THEMIS: variants seen among roughly 807,000 people sequenced by gnomAD.
THEMIS encodes protein THEMIS.
In THEMIS, 37 loss-of-function variants were observed where a neutral mutation model predicts 52.6. That is an observed-to-expected ratio of 0.70 (90% CI 0.54 to 0.93). The LOEUF (loss-of-function observed/expected upper bound fraction) is 0.93, where lower values mean the gene tolerates loss of function less well. Among genes scored for constraint, THEMIS ranks in the 40% least tolerant of loss-of-function variants. THEMIS has a pLI of 0.00. For missense variants in THEMIS, 808 were observed against 763.1 expected (o/e 1.06, Z -0.69); for synonymous variants, 292 against 272.7 (o/e 1.07, Z -0.70).
chr6:127,698,891 T>A, the THEMIS span, among the ~76,000 whole-genome samples: 3 of 152,048 alleles, frequency 2.0e-5, no homozygotes, highest in South Asian at 2.1e-4. Context: ...GTTGCTATAC[T>A]GTTGTTAATT....
At chr6:127,856,827 C>G (rs575320478) in intron 1 of THEMIS, among the ~76,000 whole-genome samples, 10 of 151,936 alleles carry the variant, frequency 6.6e-5, no homozygotes, top group African/African-American at 2.4e-4. Flanking sequence ...ACTAATAAAT[C>G]CACAGTGACA....
intron 1 of THEMIS, among the ~76,000 whole-genome samples, chr6:127,908,418 A>C (rs1025185337): frequency 2.0e-5 from 3 of 152,128 alleles, no homozygotes; most frequent in Non-Finnish European, 4.4e-5. Flanking sequence ...AGTCAAGTAG[A>C]TGAGCCTGCT....
chr6:127,833,675 G>A (rs1019871596), intron 2 of THEMIS, among the ~76,000 whole-genome samples: 1 of 152,088 alleles, frequency 6.6e-6, no homozygotes, highest in Non-Finnish European at 1.5e-5. Flanking sequence ...ATAATCTCTG[G>A]TCCTACTTTG....
At chr6:127,702,182 G>A in the THEMIS span, among the ~76,000 whole-genome samples, 1 of 151,910 alleles carries the variant, frequency 6.6e-6, no homozygotes, top group Non-Finnish European at 1.5e-5. Context: ...GTTCTCACTG[G>A]AGAGCTTTTT....
rs1779120312 is a variant in THEMIS, at chr6:127,843,544, G to C, written c.250+11486C>G. Among the ~76,000 whole-genome samples the C allele has an allele frequency of 2.0e-5, 3 of 152,012 alleles. No individual in the cohort carries two copies. In the South Asian group the frequency reaches 6.2e-4, roughly 32 times the overall value. ...AAGTTGTTGAAAGTATAATATCCTA[G>C]ATACACATTTTAAATAAAACATATT... On this transcript the variant is annotated intron_variant, in intron 2 of 5. Transcript: ENST00000368248.
At chr6:127,918,096 T>C (rs981102826) in intron 1 of THEMIS, among the ~76,000 whole-genome samples, 1 of 152,186 alleles carries the variant, frequency 6.6e-6, no homozygotes, top group Non-Finnish European at 1.5e-5. Context: ...TTTAGCTATA[T>C]TCTTGGATAG....
intron 4 of THEMIS, among the ~76,000 whole-genome samples, chr6:127,727,343 A>T (rs1774585704): frequency 6.6e-6 from 1 of 152,198 alleles, no homozygotes; most frequent in African/African-American, 2.4e-5. Context: ...CAGAAATTAC[A>T]GTGGAATCAA....
intron 4 of THEMIS, among the ~76,000 whole-genome samples, chr6:127,765,703 C>G (rs115451960): frequency 1.3e-5 from 2 of 151,878 alleles, no homozygotes; most frequent in African/African-American, 4.8e-5. Flanking sequence ...CAATACTTAC[C>G]ACTGTGTTAC....
chr6:127,758,522 A>G (rs1238631989), intron 4 of THEMIS, among the ~76,000 whole-genome samples: 1 of 150,300 alleles, frequency 6.7e-6, no homozygotes, highest in Non-Finnish European at 1.5e-5. Context: ...TATTTCTTGA[A>G]TGAAATATGT....
In THEMIS at chr6:127,709,499, C is replaced by A. The variant is rs1296127076; in HGVS notation, c.*486G>T. 4 of 152,204 alleles carry A rather than the reference C, an allele frequency of 2.6e-5. No individual in the cohort carries two copies. Among genetic ancestry groups the A allele is most frequent in the Non-Finnish European group, 5.9e-5 (4 of 68,198 alleles). 9.4% of individuals were successfully genotyped at this position (152,204 alleles called of 1,614,324 possible). On this transcript the variant is annotated 3_prime_UTR_variant, in exon 6 of 6. Coordinates refer to ENST00000368248, the MANE Select transcript of THEMIS (RefSeq NM_001010923.3). ...AGTTCCAAGGGATTTGGATAAGAAA[C>A]CTGAACATTTTAAATCAGTCAGATA...
intron 4 of THEMIS, among the ~76,000 whole-genome samples, chr6:127,745,806 T>C (rs1383960850): frequency 2.0e-5 from 3 of 151,902 alleles, no homozygotes. Flanking sequence ...ATCTGGTTAC[T>C]CTACAGAATA....
intron 4 of THEMIS, among the ~76,000 whole-genome samples, chr6:127,808,898 C>T (rs1454979514): frequency 6.6e-6 from 1 of 152,158 alleles, no homozygotes; most frequent in Non-Finnish European, 1.5e-5. Context: ...TTTAGATGAG[C>T]TTGTAGTGTT....
chr6:127,803,872 T>C lies in THEMIS; in HGVS notation c.1758+9011A>G, dbSNP rs1032650089. On this transcript the variant is annotated intron_variant, in intron 4 of 5. Transcript: ENST00000368248. The stretch of plus-strand genomic sequence containing the variant: ...CTCTTCCAGAGGTATAGTTGAAAAC[T>C]GTAACTGCTACAGAACAGACATAGT... Among the ~76,000 whole-genome samples, 7 of 152,192 alleles carry C rather than the reference T, an allele frequency of 4.6e-5. No homozygotes were observed. The East Asian group carries it at 1.2e-3, about 25-fold the overall frequency.
At chr6:127,776,584 TG>T (rs1776573356) in intron 4 of THEMIS, among the ~76,000 whole-genome samples, 1 of 152,254 alleles carries the variant, frequency 6.6e-6, no homozygotes, top group African/African-American at 2.4e-5. Context: ...ACACATTGAC[TG>T]AGGTAGCATC....
chr6:127,892,620 A>T (rs908077639), intron 1 of THEMIS, among the ~76,000 whole-genome samples: 21 of 152,152 alleles, frequency 1.4e-4, no homozygotes, highest in African/African-American at 1.7e-4. Context: ...TCTATAAAAC[A>T]TGCTTCTATG....
chr6:127,863,515 T>G (rs796303628), intron 1 of THEMIS, among the ~76,000 whole-genome samples: 3 of 152,298 alleles, frequency 2.0e-5, no homozygotes, highest in African/African-American at 7.2e-5. Flanking sequence ...AGAAAACAAT[T>G]ATTTTAACTC....
At chr6:127,795,635 T>G (rs540326824) in intron 4 of THEMIS, among the ~76,000 whole-genome samples, 21 of 152,064 alleles carry the variant, frequency 1.4e-4, no homozygotes, top group Admixed American at 2.6e-4. Flanking sequence ...GCCACCAGAC[T>G]TTTTTTAGAA....
chr6:127,792,674 A>G (rs1344882061), intron 4 of THEMIS, among the ~76,000 whole-genome samples: 4 of 151,924 alleles, frequency 2.6e-5, no homozygotes, highest in Non-Finnish European at 5.9e-5. Context: ...TATACAGGCC[A>G]CTCTCCCCAA....
chr6:127,844,442 G>A (rs964913790), intron 2 of THEMIS, among the ~76,000 whole-genome samples: 1 of 151,788 alleles, frequency 6.6e-6, no homozygotes, highest in African/African-American at 2.4e-5. Flanking sequence ...TTCCTATACA[G>A]CAACAAAATT....
Sources: gnomAD v4.1 joint callset for allele counts (sites outside exome capture counted in the v4.1 genomes callset) on GRCh38, gnomAD v4.1.1 for gene constraint, MANE v1.5 for transcripts, NCBI Gene and HGNC (gene_info 2026-07-23, HGNC 2026-07-21) for gene names.